SLC10A1: variants seen among roughly 807,000 people sequenced by gnomAD.
SLC10A1 encodes the protein solute carrier family 10 member 1, also known as hepatic sodium/bile acid cotransporter.
In SLC10A1, 36 loss-of-function variants were observed where a neutral mutation model predicts 20.5. That is an observed-to-expected ratio of 1.75 (90% CI 1.34 to 2.32). The LOEUF is 2.32. Among genes scored for constraint, SLC10A1 ranks in the 30% most tolerant of loss-of-function variants. The pLI is 0.00. For missense variants in SLC10A1, 545 were observed against 439.1 expected, an observed-to-expected ratio of 1.24 and a Z score of -2.16; for synonymous variants, 188 against 163.6, an observed-to-expected ratio of 1.15 and a Z score of -1.14.
At chr14:69,784,544 A>G (rs1460240380) in intron 2 of SLC10A1, among the ~76,000 whole-genome samples, 2 of 152,100 alleles carry the variant, frequency 1.3e-5, no homozygotes, top group Non-Finnish European at 2.9e-5. Context: ...AGTGAGGGGG[A>G]CTACTCCTAA....
At chr14:69,793,620 C>T (rs930114630) in intron 1 of SLC10A1, among the ~76,000 whole-genome samples, 1 of 152,174 alleles carries the variant, frequency 6.6e-6, no homozygotes, top group Non-Finnish European at 1.5e-5. Flanking sequence ...TGGCTTCCAT[C>T]TTGTCCTGGT....
At chr14:69,790,279 G>A (rs936996438) in intron 1 of SLC10A1, among the ~76,000 whole-genome samples, 2 of 152,024 alleles carry the variant, frequency 1.3e-5, no homozygotes, top group African/African-American at 2.4e-5. Context: ...GCAGATTGTT[G>A]CAATATTATG....
At chr14:69,791,570 G>A (rs1209420769) in intron 1 of SLC10A1, among the ~76,000 whole-genome samples, 1 of 152,226 alleles carries the variant, frequency 6.6e-6, no homozygotes, top group African/African-American at 2.4e-5. Flanking sequence ...AAAGTGCTGG[G>A]ATTACAGGCG....
intron 1 of SLC10A1, among the ~76,000 whole-genome samples, chr14:69,786,618 T>C (rs898479223): frequency 5.3e-5 from 8 of 152,204 alleles, no homozygotes; most frequent in African/African-American, 1.7e-4. Context: ...GATCTCCTTC[T>C]CTGTAATGGA....
At position 69,796,951 on chromosome 14, in the gene SLC10A1, A is replaced by G. The variant is rs1418907114; in HGVS notation, c.205T>C (p.Tyr69His). The change falls in exon 1 of 5, where the codon TAT (tyrosine) becomes CAT (histidine). Residue 69 changes from tyrosine to histidine, a missense_variant. Tyr to His is a moderately conservative substitution (Grantham distance 83). Coordinates refer to ENST00000216540, the MANE Select transcript of SLC10A1 (RefSeq NM_003049.4). ...AAGGCCGTGAGGGGCATGATGCCAT[A>G]CTGTGCCACCAGGGCGATGGCCAGC... is the stretch of plus-strand genomic sequence containing the variant. Reference protein sequence around the residue: ...KGLAIALVAQYGIMPLTAFVL... With the variant: ...KGLAIALVAQHGIMPLTAFVL... 4 of 1,614,078 alleles carry G rather than the reference A, an allele frequency of 2.5e-6. No homozygotes were observed. The highest frequency in any genetic ancestry group is 1.7e-5 in the Admixed American group (1 of 60,010).
chr14:69,793,784 G>A (rs185759720), intron 1 of SLC10A1, among the ~76,000 whole-genome samples: 5 of 152,310 alleles, frequency 3.3e-5, no homozygotes, highest in African/African-American at 9.6e-5. Context: ...GGTCAAAAGA[G>A]GCCAGTTCCT....
chr14:69,779,606 C>T (rs1257195678), intron 2 of SLC10A1, among the ~76,000 whole-genome samples: 1 of 152,192 alleles, frequency 6.6e-6, no homozygotes. Context: ...TCTTAGCGGT[C>T]CTCCTGCCTT....
chr14:69,782,774 C>T (rs1419272927), intron 2 of SLC10A1, among the ~76,000 whole-genome samples: 1 of 149,766 alleles, frequency 6.7e-6, no homozygotes, highest in African/African-American at 2.5e-5. Flanking sequence ...CGCCACTGCA[C>T]TCCAACCTGG....
chr14:69,776,373 A>G lies in SLC10A1; in HGVS notation c.959T>C (p.Ile320Thr), dbSNP rs1348615326. 3 of 1,613,788 alleles carry G rather than the reference A, an allele frequency of 1.9e-6. No individual in the cohort carries two copies. The highest frequency in any genetic ancestry group is 1.1e-5 in the South Asian group (1 of 91,066). The change falls in exon 5 of 5, where the codon ATC becomes ACC. Residue 320 changes from isoleucine (I) to threonine (T), a missense_variant. By Grantham distance (89) the Ile-to-Thr change is moderately conservative (BLOSUM62 -1). Coordinates refer to ENST00000216540, the MANE Select transcript of SLC10A1 (RefSeq NM_003049.4). ...FKTPKDKTKM[I>T]YTAATTEETI... is the part of the protein sequence containing the mutation. Reference sequence around the variant, plus strand: ...TTCTTCAGTTGTGGCAGCTGTGTAGATCATTTTTGTTTTATCTGTAAAGTT... The same window carrying G: ...TTCTTCAGTTGTGGCAGCTGTGTAGGTCATTTTTGTTTTATCTGTAAAGTT...
chr14:69,788,327 A>G (rs1408810832), intron 1 of SLC10A1, among the ~76,000 whole-genome samples: 1 of 152,140 alleles, frequency 6.6e-6, no homozygotes, highest in East Asian at 1.9e-4. Flanking sequence ...ATACATATTT[A>G]AAAAACATGG....
rs201290531 is a variant in SLC10A1 at position 69,778,406 on chromosome 14, C to T, written c.870G>A (p.Met290Ile). 243 of 1,613,920 alleles carry T rather than the reference C, an allele frequency of 1.5e-4. No individual in the cohort carries two copies. In the Middle Eastern group the frequency reaches 3.5e-3, roughly 23 times the overall value. The change falls in exon 4 of 5, where the codon ATG (methionine) becomes ATA (isoleucine). Residue 290 changes from methionine (M) to isoleucine (I), a missense_variant. By Grantham distance (10) the Met-to-Ile change is conservative. Transcript: ENST00000216540. ...GAAGCCCTTCTCCAAGCTGGAAAATCATGTAGAGGAGGGGAAAGAAGAAAA... is the reference window on the plus strand; with the variant it reads ...GAAGCCCTTCTCCAAGCTGGAAAATTATGTAGAGGAGGGGAAAGAAGAAAA... The part of the protein sequence containing the change: ...GPLFFFPLLY[M>I]IFQLGEGLLL...
rs769291538 is a variant in SLC10A1 at position 69,797,187 on chromosome 14, G to T, written c.-32C>A. The T allele has an allele frequency of 7.7e-6, 12 of 1,558,764 alleles. No homozygotes were observed. The highest frequency in any genetic ancestry group is 9.6e-6 in the Non-Finnish European group (11 of 1,144,084). ...GTGAGGCAGTGGAAGACCACTCCTT[G>T]TTCTCCGGCTGACTCCGTTTCTTGT... On this transcript the variant is annotated 5_prime_UTR_variant, in exon 1 of 5. Coordinates refer to ENST00000216540, the MANE Select transcript of SLC10A1 (RefSeq NM_003049.4).
intron 1 of SLC10A1, among the ~76,000 whole-genome samples, chr14:69,791,305 T>A (rs977401771): frequency 9.7e-5 from 14 of 144,870 alleles, no homozygotes; most frequent in Non-Finnish European, 4.6e-5. Context: ...GCTAACATGA[T>A]TTTTTTTTTT....
intron 2 of SLC10A1, among the ~76,000 whole-genome samples, chr14:69,785,753 A>G (rs10145643): frequency 0.27 from 40,434 of 148,652 alleles, 7,410 homozygotes; most frequent in African/African-American, 0.51. Context: ...ACTCGCTACC[A>G]TGCCCGGCTA....
At chr14:69,786,063 T>C in intron 2 of SLC10A1, 34 bp downstream of exon 2, 4 of 1,507,862 alleles carry the variant, frequency 2.7e-6, no homozygotes, top group South Asian at 1.1e-5. Flanking sequence ...TTTTACTCTT[T>C]TGCCCTAATT....
chr14:69,785,949 A>G, intron 2 of SLC10A1, 148 bp downstream of exon 2: 1 of 636,418 alleles, frequency 1.6e-6, no homozygotes, highest in South Asian at 2.1e-5. Context: ...AACTCTGGTG[A>G]CAGTGAATCC....
chr14:69,785,441 A>G (rs545429536), intron 2 of SLC10A1, among the ~76,000 whole-genome samples: 2 of 152,148 alleles, frequency 1.3e-5, no homozygotes, highest in African/African-American at 4.8e-5. Flanking sequence ...CCCCAGGTTT[A>G]CCTAAATGCC....
intron 4 of SLC10A1, among the ~76,000 whole-genome samples, chr14:69,777,469 A>G (rs1055543343): frequency 1.3e-5 from 2 of 152,094 alleles, no homozygotes; most frequent in African/African-American, 4.8e-5. Flanking sequence ...GGGGACTTCA[A>G]TTCATGGACA....
At chr14:69,794,361 T>G (rs1389290502) in intron 1 of SLC10A1, among the ~76,000 whole-genome samples, 1 of 152,194 alleles carries the variant, frequency 6.6e-6, no homozygotes, top group Non-Finnish European at 1.5e-5. Flanking sequence ...TCTGGCCATT[T>G]TGTTTGTGGA....
Sources: gnomAD v4.1 joint callset for allele counts (sites outside exome capture counted in the v4.1 genomes callset) on GRCh38, gnomAD v4.1.1 for gene constraint, MANE v1.5 for transcripts, NCBI Gene and HGNC (gene_info 2026-07-23, HGNC 2026-07-21) for gene names.